The following PROK1 variants were observed in gnomAD, a reference collection of about 807,000 sequenced individuals.
The protein encoded by PROK1 is prokineticin 1, also known as prokineticin-1.
PROK1 carries 10 observed loss-of-function variants against 8.8 expected under a neutral mutation model. That is an observed-to-expected ratio of 1.13 (90% CI 0.70 to 1.92). PROK1 has a LOEUF of 1.92. PROK1 is among the 30% of genes most tolerant of loss of function. The probability of loss-of-function intolerance (pLI) is 0.00; values close to 1 mark genes in which losing one functional copy is unlikely to be tolerated. For missense variants in PROK1, 140 were observed against 139.7 expected (o/e 1.00, Z -0.01); for synonymous variants, 57 against 56.0 (o/e 1.02, Z -0.08).
intron 1 of PROK1, among the ~76,000 whole-genome samples, chr1:110,452,291 A>G (rs575351369): frequency 6.6e-6 from 1 of 152,274 alleles, no homozygotes; most frequent in Non-Finnish European, 1.5e-5. Context: ...AAAAACACTG[A>G]GTTCAAAAGA....
Position 110,453,997 on chromosome 1 carries a change from T to TGCTGTGCCATCAGCCTGTGGCTTCGAGG in PROK1, c.114_141dup (p.Arg48CysfsTer82). 1.2e-6 allele frequency: 2 copies of TGCTGTGCCATCAGCCTGTGGCTTCGAGG among 1,614,256 alleles called. No homozygotes were observed. The highest frequency in any genetic ancestry group is 1.7e-6 in the Non-Finnish European group (2 of 1,180,038). ...GGATGTCCAGTGTGGGGCAGGCACC[T>TGCTGTGCCATCAGCCTGTGGCTTCGAGG]GCTGTGCCATCAGCCTGTGGCTTCG... On this transcript the variant is annotated frameshift_variant, in exon 2 of 3. Transcript: ENST00000271331. LOFTEE classifies it high-confidence loss of function.
intron 1 of PROK1, 144 bp downstream of exon 1, chr1:110,451,432 G>A (rs926921684): frequency 4.0e-6 from 3 of 741,550 alleles, no homozygotes; most frequent in Admixed American, 4.0e-5. Context: ...GCATTAAAGG[G>A]ATTGCATGCG....
intron 2 of PROK1, among the ~76,000 whole-genome samples, chr1:110,455,940 C>CGTGTGT (rs143245805): frequency 1.3e-5 from 2 of 151,130 alleles, no homozygotes; most frequent in African/African-American, 4.8e-5. Flanking sequence ...CATGTGTGTG[C>CGTGTGT]GTGTGTGTGT....
rs1017755156 is a variant in PROK1 at position 110,456,143 on chromosome 1, C to A, written c.199-89C>A. 11 of 1,458,666 alleles carry A rather than the reference C, an allele frequency of 7.5e-6. No homozygotes were observed. In the Admixed American group the frequency reaches 1.3e-4, roughly 18 times the overall value. 90.4% of individuals were successfully genotyped at this position (1,458,666 alleles called of 1,614,324 possible). On this transcript the variant is annotated intron_variant, in intron 2 of 2. Coordinates refer to ENST00000271331, the MANE Select transcript of PROK1 (RefSeq NM_032414.3). ...AGTGGGCTAGGGTGTGGGGGTGAGA[C>A]TTTTGCCAGTGCTGGGCTGAGCAGA... is the stretch of plus-strand genomic sequence containing the variant.
Position 110,454,042 on chromosome 1 carries a change from C to A in PROK1, c.154C>A (p.Pro52Thr). The A allele has an allele frequency of 3.7e-6, 6 of 1,614,090 alleles. No homozygotes were observed. The highest frequency in any genetic ancestry group is 4.2e-6 in the Non-Finnish European group (5 of 1,180,008). ...LWLRGLRMCTPLGREGEECHP... is the reference protein window; with the variant it reads ...LWLRGLRMCTTLGREGEECHP... ...GCTTCGAGGGCTGCGGATGTGCACC[C>A]CGCTGGGGCGGGAAGGCGAGGAGTG... Residue 52 changes from proline to threonine, a missense_variant, in exon 2 of 3, where the codon CCG becomes ACG. By Grantham distance (38) the Pro-to-Thr change is conservative. Transcript: ENST00000271331.
In PROK1 at chr1:110,454,004, C is replaced by T; in HGVS notation, c.116C>T (p.Ala39Val). Reference protein sequence around the residue: ...DVQCGAGTCCAISLWLRGLRM... With the variant: ...DVQCGAGTCCVISLWLRGLRM... ...CAGTGTGGGGCAGGCACCTGCTGTG[C>T]CATCAGCCTGTGGCTTCGAGGGCTG... is the stretch of plus-strand genomic sequence containing the variant. The change falls in exon 2 of 3, where the codon GCC (alanine) becomes GTC (valine). Residue 39 changes from alanine (A) to valine (V), a missense_variant. By Grantham distance (64) the Ala-to-Val change is moderately conservative. Coordinates refer to ENST00000271331, the MANE Select transcript of PROK1 (RefSeq NM_032414.3). 2 of 1,614,212 alleles carry T rather than the reference C, an allele frequency of 1.2e-6. No homozygotes were observed. Among genetic ancestry groups the T allele is most frequent in the South Asian group, 2.2e-5 (2 of 91,092 alleles).
At chr1:110,453,357 C>T (rs1445393330) in intron 1 of PROK1, among the ~76,000 whole-genome samples, 1 of 152,196 alleles carries the variant, frequency 6.6e-6, no homozygotes. Context: ...CCGCTCAGCT[C>T]CTGTTCTGCG....
At chr1:110,452,718 C>G (rs568375892) in intron 1 of PROK1, among the ~76,000 whole-genome samples, 1 of 152,270 alleles carries the variant, frequency 6.6e-6, no homozygotes, top group Admixed American at 6.5e-5. Flanking sequence ...CCCACATCCT[C>G]CATGTCCTGC....
chr1:110,454,745 T>A (rs563457906), intron 2 of PROK1, among the ~76,000 whole-genome samples: 1 of 152,222 alleles, frequency 6.6e-6, no homozygotes, highest in African/African-American at 2.4e-5. Context: ...GCCACACTTA[T>A]ATGATGAGTG....
At chr1:110,456,016 T>G (rs1048760874) in intron 2 of PROK1, among the ~76,000 whole-genome samples, 1 of 152,236 alleles carries the variant, frequency 6.6e-6, no homozygotes, top group Non-Finnish European at 1.5e-5. Flanking sequence ...TCCTAGCTCC[T>G]CCACAAATTA....
chr1:110,455,655 C>T (rs566739477), intron 2 of PROK1, among the ~76,000 whole-genome samples: 2 of 152,324 alleles, frequency 1.3e-5, no homozygotes, highest in South Asian at 4.1e-4. Context: ...TATTATTAAA[C>T]CATTTTACAA....
At position 110,456,794 on chromosome 1, in the gene PROK1, C is replaced by A; in HGVS notation, c.*443C>A. 1 of 276,598 alleles carries A rather than the reference C, an allele frequency of 3.6e-6. No homozygotes were observed. Among genetic ancestry groups the A allele is most frequent in the Non-Finnish European group, 7.1e-6 (1 of 140,446 alleles). 17.1% of individuals were successfully genotyped at this position (276,598 alleles called of 1,614,324 possible). A position where few individuals can be genotyped will look rare whatever the true frequency, so the allele number is the denominator to read the frequency against. ...GTCCTGGCCTGACCCTCAGGCCCTT[C>A]ACGTGAGGTCTGTGAGGACCAATTT... is the stretch of plus-strand genomic sequence containing the variant. On this transcript the variant is annotated 3_prime_UTR_variant, in exon 3 of 3. Transcript: ENST00000271331.
At chr1:110,453,370 CCT>C (rs1664117253) in intron 1 of PROK1, among the ~76,000 whole-genome samples, 1 of 152,218 alleles carries the variant, frequency 6.6e-6, no homozygotes, top group Admixed American at 6.5e-5. Flanking sequence ...GTTCTGCGAT[CCT>C]CTCTGGGAAT....
At chr1:110,452,143 G>A (rs768813206) in intron 1 of PROK1, among the ~76,000 whole-genome samples, 1 of 152,344 alleles carries the variant, frequency 6.6e-6, no homozygotes, top group Non-Finnish European at 1.5e-5. Flanking sequence ...GGGAAGCAGG[G>A]AAACTAACTT....
chr1:110,452,629 C>A, intron 1 of PROK1, among the ~76,000 whole-genome samples: 1 of 152,268 alleles, frequency 6.6e-6, no homozygotes, highest in East Asian at 1.9e-4. Flanking sequence ...AGCACTTTTC[C>A]CTAGGTGAGG....
intron 2 of PROK1, 73 bp downstream of exon 2, chr1:110,454,159 G>A: frequency 1.9e-6 from 3 of 1,562,506 alleles, no homozygotes; most frequent in Non-Finnish European, 2.6e-6. Context: ...ATGTCCTGGG[G>A]CCTTGCTCTA....
At position 110,451,169 on chromosome 1, in the gene PROK1, G is replaced by A; in HGVS notation, c.-48G>A. On this transcript the variant is annotated 5_prime_UTR_variant, in exon 1 of 3. Transcript: ENST00000271331. ...CAGGCACAAGGCTGAGCGGGAGGAA[G>A]CGAGAGGCATCTAAGCAGGCAGTGT... The A allele has an allele frequency of 6.3e-7, 1 of 1,579,388 alleles. No individual in the cohort carries two copies.
intron 2 of PROK1, 138 bp downstream of exon 2, chr1:110,454,224 TC>T: frequency 2.6e-6 from 3 of 1,148,260 alleles, no homozygotes; most frequent in Non-Finnish European, 3.6e-6. Flanking sequence ...AGGCTGTGGC[TC>T]CAGAGGACTT....
chr1:110,455,585 C>T (rs111595836), intron 2 of PROK1, among the ~76,000 whole-genome samples: 8 of 152,344 alleles, frequency 5.3e-5, no homozygotes, highest in Middle Eastern at 3.4e-3. Context: ...CTGTATGCCA[C>T]CCTTCATACT....
Sources: allele counts gnomAD v4.1 joint callset (sites outside exome capture counted in the v4.1 genomes callset), GRCh38; gene constraint gnomAD v4.1.1; transcripts MANE v1.5; gene names NCBI Gene and HGNC (gene_info 2026-07-23, HGNC 2026-07-21).